Variants in HSPA14 observed in about 807,000 individuals in gnomAD.
HSPA14 encodes the protein heat shock protein family A (Hsp70) member 14.
HSPA14 carries 37 observed loss-of-function variants against 65.5 expected under a neutral mutation model. The observed-to-expected ratio is 0.56, with a 90% CI of 0.43 to 0.74. The LOEUF is 0.74. HSPA14 is among the 30% of genes least tolerant of loss of function. The probability of loss-of-function intolerance (pLI) is 0.00; values close to 1 mark genes in which losing one functional copy is unlikely to be tolerated. For synonymous variants in HSPA14, 203 were observed against 214.2 expected (o/e 0.95, Z 0.46); for missense variants, 564 against 607.6 (o/e 0.93, Z 0.75).
intron 3 of HSPA14, among the ~76,000 whole-genome samples, chr10:14,847,223 A>G (rs768805902): frequency 6.6e-6 from 1 of 151,992 alleles, no homozygotes; most frequent in Admixed American, 6.6e-5. Flanking sequence ...CTTCCTGGCA[A>G]ATTCTCTTGT....
chr10:14,849,644 C>A, intron 5 of HSPA14, 77 bp from the exon 6 acceptor site: 1 of 1,157,634 alleles, frequency 8.6e-7, no homozygotes, highest in South Asian at 1.3e-5. Flanking sequence ...AGATCTTTGT[C>A]ATAAATTAAT....
chr10:14,860,041 T>C (rs1374373605), intron 10 of HSPA14, among the ~76,000 whole-genome samples: 1 of 152,252 alleles, frequency 6.6e-6, no homozygotes, highest in Non-Finnish European at 1.5e-5. Context: ...CCTTGTTTTC[T>C]TAATATTTAC....
At chr10:14,865,244 T>G (rs571873738) in intron 10 of HSPA14, among the ~76,000 whole-genome samples, 50 of 152,284 alleles carry the variant, frequency 3.3e-4, no homozygotes. Context: ...ATGAGTAGAT[T>G]GCAAAAATTT....
At chr10:14,864,423 C>T (rs1832786891) in intron 10 of HSPA14, among the ~76,000 whole-genome samples, 1 of 151,824 alleles carries the variant, frequency 6.6e-6, no homozygotes, top group Non-Finnish European at 1.5e-5. Context: ...TGTTGGTGTG[C>T]TCCACCCATT....
At position 14,842,391 on chromosome 10, in the gene HSPA14, T is replaced by C. The variant is rs1316705047; in HGVS notation, c.221+2234T>C. On this transcript the variant is annotated intron_variant, in intron 3 of 13. Transcript: ENST00000378372. This position sits in a 1 kb window ranked among gnomAD's most constrained non-coding sequence, Gnocchi z 5.2. Reference sequence around the variant, plus strand: ...GAGTATATTCAGCGCCTCCAGACTGTGCATCACAATGCAGATGTCTATCAG... The same window carrying C: ...GAGTATATTCAGCGCCTCCAGACTGCGCATCACAATGCAGATGTCTATCAG... 2 of 1,536,036 alleles carry C rather than the reference T, an allele frequency of 1.3e-6. No individual in the cohort carries two copies. The highest frequency in any genetic ancestry group is 1.7e-6 in the Non-Finnish European group (2 of 1,146,914).
intron 10 of HSPA14, 65 bp downstream of exon 10, chr10:14,856,008 G>T: frequency 1.2e-6 from 1 of 861,290 alleles, no homozygotes; most frequent in South Asian, 1.4e-5. Flanking sequence ...TTAGGAAATA[G>T]CTCTGGGTAC....
intron 10 of HSPA14, among the ~76,000 whole-genome samples, chr10:14,864,577 C>T (rs370735732): frequency 2.0e-4 from 30 of 151,544 alleles, no homozygotes; most frequent in African/African-American, 4.8e-4. Flanking sequence ...TGAGAACATG[C>T]GGTGTTTGGT....
In HSPA14 at chr10:14,842,236, C is replaced by CT; in HGVS notation, c.221+2081dup. 1 of 1,535,652 alleles carries CT rather than the reference C, an allele frequency of 6.5e-7. No individual in the cohort carries two copies. Among genetic ancestry groups the CT allele is most frequent in the Non-Finnish European group, 8.7e-7 (1 of 1,146,686 alleles). On this transcript the variant is annotated intron_variant, in intron 3 of 13. Transcript: ENST00000378372. This position sits in a 1 kb window ranked among gnomAD's most constrained non-coding sequence, Gnocchi z 5.2. The stretch of plus-strand genomic sequence containing the variant: ...CACAGAGCTTCCCCACACCTTCAGA[C>CT]TTGCACCTTGCTGTCCAGAAGCTGC...
intron 3 of HSPA14, chr10:14,844,748 ATAT>A (rs1200410446): frequency 1.5e-5 from 15 of 972,302 alleles, no homozygotes; most frequent in Non-Finnish European, 1.8e-5. Flanking sequence ...TTTGCATTTC[ATAT>A]TATTTGGGTC....
chr10:14,845,560 T>G (rs1256187290), intron 3 of HSPA14: 22 of 981,802 alleles, frequency 2.2e-5, no homozygotes, highest in Non-Finnish European at 2.7e-5. Flanking sequence ...CACAGTTTGT[T>G]TCATCAGACA....
chr10:14,853,759 G>A (rs962696220), intron 8 of HSPA14, among the ~76,000 whole-genome samples: 5 of 151,774 alleles, frequency 3.3e-5, no homozygotes, highest in Non-Finnish European at 5.9e-5. Context: ...TGCTCTTGTC[G>A]CCCAGGTTGG....
Position 14,852,414 on chromosome 10 carries a change from G to T in HSPA14, c.617G>T (p.Ser206Ile), listed in dbSNP as rs1214121089. The change falls in exon 8 of 14, where the codon AGC becomes ATC. Residue 206 changes from serine (S) to isoleucine (I), a missense_variant. Ser to Ile is a moderately radical substitution (Grantham distance 142). Coordinates refer to ENST00000378372, the MANE Select transcript of HSPA14 (RefSeq NM_016299.4). ...CTTGGAGGAACATCCTTATCTCTCA[G>T]CGTCATGGAAGTTAACAGTGGAATA... ...FKLGGTSLSL[S>I]VMEVNSGIYR... The T allele has an allele frequency of 1.9e-6, 3 of 1,613,740 alleles. No homozygotes were observed. In the African/African-American group the frequency reaches 4.0e-5, roughly 22 times the overall value.
chr10:14,867,391 C>G, intron 11 of HSPA14, 96 bp downstream of exon 11: 1 of 817,240 alleles, frequency 1.2e-6, no homozygotes, highest in Non-Finnish European at 2.0e-6. Flanking sequence ...TTTATACATA[C>G]CATGATGTTA....
chr10:14,842,494 G>T lies in HSPA14; in HGVS notation c.221+2337G>T. ...GCCGCTCCAAGTTTAAAGTTCTGAA[G>T]GCATTATATTTAAAGGCCTATGTTG... is the stretch of plus-strand genomic sequence containing the variant. On this transcript the variant is annotated intron_variant, in intron 3 of 13. Transcript: ENST00000378372. The surrounding 1 kb of genome is among the most constrained non-coding windows in gnomAD (Gnocchi z 5.2). 4 of 1,536,148 alleles carry T rather than the reference G, an allele frequency of 2.6e-6. No individual in the cohort carries two copies. Among genetic ancestry groups the T allele is most frequent in the South Asian group, 2.4e-5 (2 of 84,062 alleles).
intron 5 of HSPA14, 48 bp from the exon 6 acceptor site, chr10:14,849,673 C>G (rs1193688882): frequency 3.0e-6 from 4 of 1,338,828 alleles, no homozygotes; most frequent in Non-Finnish European, 4.2e-6. Flanking sequence ...GAAAGTATCA[C>G]TTGTCATTTT....
In HSPA14 at chr10:14,842,322, C is replaced by A; in HGVS notation, c.221+2165C>A. The A allele has an allele frequency of 6.5e-7, 1 of 1,536,054 alleles. No individual in the cohort carries two copies. The highest frequency in any genetic ancestry group is 8.7e-7 in the Non-Finnish European group (1 of 1,146,854). On this transcript the variant is annotated intron_variant, in intron 3 of 13. Transcript: ENST00000378372. The surrounding 1 kb of genome is among the most constrained non-coding windows in gnomAD (Gnocchi z 5.2). ...AATAGCAGTGCGGGCATCCGGTGGT[C>A]CAGACAGGAGACACGAACTCTTCTC...
intron 1 of HSPA14, 151 bp downstream of exon 1, chr10:14,838,610 G>A (rs1833923583): frequency 1.4e-5 from 10 of 717,834 alleles, no homozygotes; most frequent in Non-Finnish European, 2.2e-6. Flanking sequence ...GAAGGGCCGG[G>A]CAGGCCCGGC....
intron 10 of HSPA14, among the ~76,000 whole-genome samples, chr10:14,865,369 T>C (rs1473605589): frequency 6.6e-6 from 1 of 151,764 alleles, no homozygotes; most frequent in Admixed American, 6.6e-5. Context: ...GCCATTGCTT[T>C]TGGTGTTTTA....
chr10:14,850,784 G>A (rs1834102654), intron 6 of HSPA14: 1 of 153,094 alleles, frequency 6.5e-6, no homozygotes, highest in Non-Finnish European at 1.5e-5. Context: ...AATAAGACAT[G>A]GTTTCTGATG....
Sources: allele counts gnomAD v4.1 joint callset (sites outside exome capture counted in the v4.1 genomes callset), GRCh38; gene constraint gnomAD v4.1.1; non-coding constraint Gnocchi (gnomAD v3.1); transcripts MANE v1.5; gene names NCBI Gene and HGNC (gene_info 2026-07-23, HGNC 2026-07-21).